Variants in TESPA1 observed in about 807,000 individuals in gnomAD.
TESPA1 encodes the protein thymocyte expressed, positive selection associated 1, also known as protein TESPA1.
Under a neutral mutation model 57.9 loss-of-function variants are expected in TESPA1, and 33 were observed. That is an observed-to-expected ratio of 0.57 (90% CI 0.43 to 0.76). The LOEUF (loss-of-function observed/expected upper bound fraction) is 0.76, where lower values mean the gene tolerates loss of function less well. Ranked by LOEUF, TESPA1 falls within the 30% of genes least tolerant of loss-of-function variation. The probability of loss-of-function intolerance (pLI) is 0.00; values close to 1 mark genes in which losing one functional copy is unlikely to be tolerated. For missense variants in TESPA1, 618 were observed against 632.9 expected (o/e 0.98, Z 0.25); for synonymous variants, 227 against 228.9 (o/e 0.99, Z 0.07).
intron 10 of TESPA1, among the ~76,000 whole-genome samples, chr12:54,953,637 G>T (rs1306500104): frequency 6.6e-6 from 1 of 150,378 alleles, no homozygotes; most frequent in Non-Finnish European, 1.5e-5. Context: ...CCTGCCTCAA[G>T]CCTCCCGAGT....
intron 5 of TESPA1, 132 bp from the exon 6 acceptor site, chr12:54,966,556 A>C (rs1363309806): frequency 4.9e-6 from 5 of 1,021,402 alleles, no homozygotes; most frequent in Non-Finnish European, 7.2e-6. Context: ...TGGACCCCAT[A>C]AATTCTGCAC....
Position 54,974,521 on chromosome 12 carries a change from C to A in TESPA1, c.42G>T (p.Arg14=). The change falls in exon 2 of 11, where the codon CGG becomes CGT. Residue 14 remains arginine, a synonymous_variant. Transcript: ENST00000449076. ...SVLSPTSWEK[R]RAWLRQSRNW... ...TACGGCTCTGACGGAGCCAGGCCCG[C>A]CGTTTCTCCCAGGATGTGGGGCTCA... 1.2e-6 allele frequency: 2 copies of A among 1,600,550 alleles called. No homozygotes were observed. Among genetic ancestry groups the A allele is most frequent in the Non-Finnish European group, 1.7e-6 (2 of 1,173,520 alleles).
In TESPA1 at chr12:54,974,135, C is replaced by T. The variant is rs184616408; in HGVS notation, c.163+265G>A. Among the ~76,000 whole-genome samples, 19 of 152,308 alleles carry T rather than the reference C, an allele frequency of 1.2e-4. No homozygotes were observed. In the South Asian group the frequency reaches 2.5e-3, roughly 20 times the overall value. Reference sequence around the variant, plus strand: ...ACCCCAAAGCATTCATAGAGAGCCCCCAGCCTCAGGTTCTTACAGAAGCTT... The same window carrying T: ...ACCCCAAAGCATTCATAGAGAGCCCTCAGCCTCAGGTTCTTACAGAAGCTT... On this transcript the variant is annotated intron_variant, in intron 2 of 10. Transcript: ENST00000449076.
chr12:54,967,973 T>C, intron 3 of TESPA1, 81 bp from the exon 4 acceptor site: 2 of 1,597,974 alleles, frequency 1.3e-6, no homozygotes, highest in Non-Finnish European at 1.7e-6. Context: ...CTCACACATA[T>C]TCATATTCTT....
chr12:54,962,657 C>T lies in TESPA1; in HGVS notation c.1241G>A (p.Cys414Tyr). 1 of 1,613,962 alleles carries T rather than the reference C, an allele frequency of 6.2e-7. No homozygotes were observed. The change falls in exon 9 of 11, where the codon TGT becomes TAT. Residue 414 changes from cysteine (C) to tyrosine (Y), a missense_variant. Physicochemically the swap from Cys to Tyr is radical, Grantham distance 194 (BLOSUM62 -2). Coordinates refer to ENST00000449076, the MANE Select transcript of TESPA1 (RefSeq NM_001136030.3). ...TTCCGTATTGGTGGCTGGTAGACTA[C>T]ACAGCTCTCTCCTTATCTGAGCTGG... ...TDPAQIRREL[C>Y]SLPATNTETH... is the part of the protein sequence containing the mutation.
rs371796001 is a variant in TESPA1 at position 54,963,083 on chromosome 12, C to T, written c.815G>A (p.Arg272Gln). ...TDVPSIRILSREPEPQSPRDR... is the reference protein window; with the variant it reads ...TDVPSIRILSQEPEPQSPRDR... ...TCTGGGTGACTGGGGTTCAGGCTCT[C>T]GGGACAGAATCCTGATGGATGGCAC... The change falls in exon 9 of 11, where the codon CGA becomes CAA. Residue 272 changes from arginine (R) to glutamine (Q), a missense_variant. Around this residue, in one of 3 missense-constraint regions of TESPA1, gnomAD observed 409 missense variants for 420.1 expected, o/e 0.97. Transcript: ENST00000449076. 4.2e-5 allele frequency: 67 copies of T among 1,613,686 alleles called. No homozygotes were observed. Among genetic ancestry groups the T allele is most frequent in the African/African-American group, 1.7e-4 (13 of 74,826 alleles).
At chr12:54,980,606 G>C (rs898104759) in intron 1 of TESPA1, among the ~76,000 whole-genome samples, 1 of 152,238 alleles carries the variant, frequency 6.6e-6, no homozygotes, top group Admixed American at 6.5e-5. Flanking sequence ...AAAGAGCTGG[G>C]ATAGCTGGGC....
At chr12:54,958,439 C>T (rs1490820667) in intron 10 of TESPA1, among the ~76,000 whole-genome samples, 1 of 151,688 alleles carries the variant, frequency 6.6e-6, no homozygotes, top group African/African-American at 2.4e-5. Context: ...TTTCCCTTTA[C>T]TTGTGATTTT....
In TESPA1 at chr12:54,974,442, G is replaced by C; in HGVS notation, c.121C>G (p.Pro41Ala). The change falls in exon 2 of 11, where the codon CCA becomes GCA. Residue 41 changes from proline to alanine, a missense_variant. Physicochemically the swap from Pro to Ala is conservative, Grantham distance 27 (BLOSUM62 -1). Around this residue, in one of 3 missense-constraint regions of TESPA1, gnomAD observed 199 missense variants for 184.0 expected, o/e 1.08. Coordinates refer to ENST00000449076, the MANE Select transcript of TESPA1 (RefSeq NM_001136030.3). ...TCCAGGCTGGAAGGCTCAGGATCTGGGACATCCTGCAGGGCGGCGGCAGCC... is the reference window on the plus strand; with the variant it reads ...TCCAGGCTGGAAGGCTCAGGATCTGCGACATCCTGCAGGGCGGCGGCAGCC... ...EEAAAALQDV[P>A]DPEPSSLDDV... is the part of the protein sequence containing the mutation. The C allele has an allele frequency of 1.2e-6, 2 of 1,610,402 alleles. No homozygotes were observed.
chr12:54,965,917 T>C, intron 7 of TESPA1, 136 bp downstream of exon 7: 1 of 779,860 alleles, frequency 1.3e-6, no homozygotes, highest in Non-Finnish European at 2.1e-6. Flanking sequence ...TATGGTCACA[T>C]TTTTCAAGTA....
At chr12:54,973,724 C>G in intron 2 of TESPA1, 1 of 1,332,210 alleles carries the variant, frequency 7.5e-7, no homozygotes, top group African/African-American at 1.5e-5. Flanking sequence ...CTTCTTTTCT[C>G]CCTTCCTCCC....
chr12:54,967,337 A>C (rs893410317), intron 4 of TESPA1, 101 bp from the exon 5 acceptor site: 59 of 1,329,708 alleles, frequency 4.4e-5, no homozygotes, highest in Non-Finnish European at 5.7e-5. Context: ...ATGCCCTTAG[A>C]CTAGACTTGC....
chr12:54,979,709 T>A (rs1952245997), intron 1 of TESPA1, among the ~76,000 whole-genome samples: 1 of 152,180 alleles, frequency 6.6e-6, no homozygotes. Flanking sequence ...GAAATGAGTA[T>A]CTTCCAACAA....
chr12:54,958,609 A>C (rs79700585), intron 10 of TESPA1, among the ~76,000 whole-genome samples: 6,939 of 151,178 alleles, frequency 0.046, 469 homozygotes, highest in African/African-American at 0.15. Flanking sequence ...TATTTCTTTT[A>C]TTTCTTTCTC....
chr12:54,948,924 C>T lies in TESPA1; in HGVS notation c.*1468G>A, dbSNP rs1950223810. 6.6e-6 allele frequency: 1 copy of T among 152,172 alleles called. No homozygotes were observed. Among genetic ancestry groups the T allele is most frequent in the African/African-American group, 2.4e-5 (1 of 41,438 alleles). 9.4% of individuals were successfully genotyped at this position (152,172 alleles called of 1,614,324 possible). A position where few individuals can be genotyped will look rare whatever the true frequency, so the allele number is the denominator to read the frequency against. The stretch of plus-strand genomic sequence containing the variant: ...TTTAGAAAATTTGCTGTAGTTCTTT[C>T]TATTTCTTGAGATCTAAATCTTCTT... On this transcript the variant is annotated 3_prime_UTR_variant, in exon 11 of 11. Transcript: ENST00000449076.
chr12:54,965,261 G>A (rs1352171260), intron 7 of TESPA1, among the ~76,000 whole-genome samples: 2 of 152,096 alleles, frequency 1.3e-5, no homozygotes, highest in African/African-American at 2.4e-5. Flanking sequence ...ACGTGTGCTA[G>A]GGTGGTTTGC....
At chr12:54,978,730 A>C (rs1952215985) in intron 1 of TESPA1, among the ~76,000 whole-genome samples, 1 of 152,186 alleles carries the variant, frequency 6.6e-6, no homozygotes, top group Admixed American at 6.5e-5. Context: ...TTTAGCTTAT[A>C]GTTTCATCCC....
chr12:54,970,459 G>C (rs945631853), intron 3 of TESPA1, among the ~76,000 whole-genome samples: 1 of 152,100 alleles, frequency 6.6e-6, no homozygotes, highest in Non-Finnish European at 1.5e-5. Flanking sequence ...CTCTTCTTTA[G>C]TTATAATCTG....
chr12:54,950,138 A>G lies in TESPA1; in HGVS notation c.*254T>C. 1 of 390,996 alleles carries G rather than the reference A, an allele frequency of 2.6e-6. No homozygotes were observed. Among genetic ancestry groups the G allele is most frequent in the Non-Finnish European group, 5.1e-6 (1 of 196,662 alleles). The allele number at this position is 390,996 out of a possible 1,614,324, so 24.2% of individuals were successfully genotyped here. A position where few individuals can be genotyped will look rare whatever the true frequency, so the allele number is the denominator to read the frequency against. ...AGTAGAGAAACCAGTGTACAGAGAA[A>G]TGAAGAGATGTGCCTAAGGTCTTTG... On this transcript the variant is annotated 3_prime_UTR_variant, in exon 11 of 11. Transcript: ENST00000449076.
Sources: gnomAD v4.1 joint callset for allele counts (sites outside exome capture counted in the v4.1 genomes callset) on GRCh38, gnomAD v4.1.1 for gene constraint, gnomAD v4.1.1 regional missense constraint, MANE v1.5 for transcripts, NCBI Gene and HGNC (gene_info 2026-07-23, HGNC 2026-07-21) for gene names.